Variants in CCDC66 observed in about 807,000 individuals in gnomAD.
The protein encoded by CCDC66 is coiled-coil domain containing 66, also known as coiled-coil domain-containing protein 66.
A neutral mutation model predicts 128.3 loss-of-function variants in CCDC66; 133 were observed. The ratio of observed to expected loss-of-function variants is 1.04; its 90% CI spans 0.90 to 1.20. CCDC66 has a LOEUF of 1.20. CCDC66 is among the 50% of genes most tolerant of loss of function. The pLI, the probability that CCDC66 is intolerant of heterozygous loss-of-function variation, is 0.00. For missense variants in CCDC66, 1,126 were observed against 1,075.5 expected, an observed-to-expected ratio of 1.05 and a Z score of -0.66; for synonymous variants, 387 against 357.0, an observed-to-expected ratio of 1.08 and a Z score of -0.95.
intron 7 of CCDC66, among the ~76,000 whole-genome samples, chr3:56,589,589 A>T (rs73081851): frequency 0.38 from 58,071 of 152,048 alleles, 13,687 homozygotes; most frequent in Non-Finnish European, 0.54. Context: ...TAATAGGTAA[A>T]TTTAATAAAA....
At chr3:56,562,680 C>T (rs908630646) in intron 3 of CCDC66, among the ~76,000 whole-genome samples, 3 of 151,974 alleles carry the variant, frequency 2.0e-5, no homozygotes, top group African/African-American at 7.3e-5. Flanking sequence ...TTGTTGTTGC[C>T]CAGGCTGGAG....
rs1163983438 is a variant in CCDC66 at position 56,620,061 on chromosome 3, C to T, written c.2760+160C>T. 5 of 681,060 alleles carry T rather than the reference C, an allele frequency of 7.3e-6. No individual in the cohort carries two copies. In the African/African-American group the frequency reaches 9.0e-5, roughly 12 times the overall value. The allele number at this position is 681,060 out of a possible 1,614,324, so 42.2% of individuals were successfully genotyped here. A position where few individuals can be genotyped will look rare whatever the true frequency, so the allele number is the denominator to read the frequency against. On this transcript the variant is annotated intron_variant, in intron 17 of 17. Transcript: ENST00000394672. Reference sequence around the variant, plus strand: ...TTTGTTAGACACAAATAAAATGGGACTTTCCTAAGACTTGCTTTTACACTG... The same window carrying T: ...TTTGTTAGACACAAATAAAATGGGATTTTCCTAAGACTTGCTTTTACACTG...
At position 56,571,212 on chromosome 3, in the gene CCDC66, A is replaced by T; in HGVS notation, c.846A>T (p.Lys282Asn). The T allele has an allele frequency of 6.5e-7, 1 of 1,531,296 alleles. No individual in the cohort carries two copies. Among genetic ancestry groups the T allele is most frequent in the African/African-American group, 1.4e-5 (1 of 71,738 alleles). 94.9% of individuals were successfully genotyped at this position (1,531,296 alleles called of 1,614,324 possible). Residue 282 changes from lysine (K) to asparagine (N), a missense_variant, in exon 7 of 18, where the codon AAA (lysine) becomes AAT (asparagine). Lys to Asn is a moderately conservative substitution (Grantham distance 94). Transcript: ENST00000394672. ...DEQVALKKKE[K>N]EVSEKWNDPW... ...AGGTTGCTTTAAAGAAGAAAGAAAA[A>T]GAAGTTTCTGAAAAATGGAATGATC... is the stretch of plus-strand genomic sequence containing the variant.
chr3:56,582,116 G>A (rs896138911), intron 7 of CCDC66, among the ~76,000 whole-genome samples: 1 of 151,888 alleles, frequency 6.6e-6, no homozygotes, highest in Non-Finnish European at 1.5e-5. Context: ...CAGCAATAGG[G>A]GACGCCCCTC....
chr3:56,570,113 G>C (rs1238974684), intron 6 of CCDC66: 1 of 152,208 alleles, frequency 6.6e-6, no homozygotes, highest in Non-Finnish European at 1.5e-5. Flanking sequence ...TGTGATTACA[G>C]TTGTGAGCCA....
chr3:56,581,792 G>C (rs1456237989), intron 7 of CCDC66, among the ~76,000 whole-genome samples: 1 of 151,740 alleles, frequency 6.6e-6, no homozygotes, highest in Non-Finnish European at 1.5e-5. Flanking sequence ...TCTCAGAGGG[G>C]CACCCAGCTT....
At chr3:56,605,589 C>G (rs2073949073) in intron 10 of CCDC66, among the ~76,000 whole-genome samples, 1 of 152,038 alleles carries the variant, frequency 6.6e-6, no homozygotes, top group Admixed American at 6.6e-5. Flanking sequence ...GCCTGGGTAT[C>G]ACCAGCAGAG....
chr3:56,559,315 C>CTTTG (rs1352880376), intron 2 of CCDC66, among the ~76,000 whole-genome samples: 1 of 151,916 alleles, frequency 6.6e-6, no homozygotes, highest in Non-Finnish European at 1.5e-5. Context: ...ACTCAGTGTA[C>CTTTG]TTTGGTACCT....
rs143593148 is a variant in CCDC66, at chr3:56,606,286, G to A, written c.1405-7303G>A. ...CGCCCCCTTTCCAGGAGAGTGAACAGTTCTGTCTCACTGGCATTCCAGGCA... is the reference window on the plus strand; with the variant it reads ...CGCCCCCTTTCCAGGAGAGTGAACAATTCTGTCTCACTGGCATTCCAGGCA... On this transcript the variant is annotated intron_variant, in intron 10 of 17. Transcript: ENST00000394672. Among the ~76,000 whole-genome samples the A allele has an allele frequency of 9.9e-5, 15 of 152,194 alleles. No individual in the cohort carries two copies. The East Asian group carries it at 2.9e-3, about 29-fold the overall frequency.
At chr3:56,618,296 A>T (rs1404414603) in intron 15 of CCDC66, 84 bp downstream of exon 15, 5 of 1,170,526 alleles carry the variant, frequency 4.3e-6, no homozygotes, top group Non-Finnish European at 6.4e-6. Context: ...GGACAGCATC[A>T]TATGGTATAT....
At chr3:56,603,029 G>C (rs1311785055) in intron 10 of CCDC66, among the ~76,000 whole-genome samples, 1 of 151,638 alleles carries the variant, frequency 6.6e-6, no homozygotes, top group African/African-American at 2.4e-5. Context: ...TAGAGACGGG[G>C]TTTCACCGTG....
chr3:56,599,598 T>C (rs1175065461), intron 10 of CCDC66, among the ~76,000 whole-genome samples: 1 of 152,052 alleles, frequency 6.6e-6, no homozygotes, highest in Non-Finnish European at 1.5e-5. Flanking sequence ...GTTTAAATTT[T>C]CATTTTTTTC....
At chr3:56,571,983 G>A (rs1577344466) in intron 7 of CCDC66, among the ~76,000 whole-genome samples, 1 of 152,174 alleles carries the variant, frequency 6.6e-6, no homozygotes, top group Admixed American at 6.5e-5. Context: ...GGCCTCCTGA[G>A]TAGCTGGGAT....
chr3:56,606,035 C>T (rs919296222), intron 10 of CCDC66, among the ~76,000 whole-genome samples: 5 of 152,042 alleles, frequency 3.3e-5, no homozygotes, highest in Admixed American at 3.3e-4. Flanking sequence ...GTGGGCTCTG[C>T]CCAGTTCGAT....
rs1157553560 is a variant in CCDC66, at chr3:56,615,211, A to G, written c.1650A>G (p.Gln550=). ...QELAQRLKQE[Q]RIRELAQKGH... ...TGGCACAGAGACTAAAACAAGAACA[A>G]AGAATCCGAGAATTGGCGCAAAAGG... Residue 550 remains glutamine, a synonymous_variant, in exon 12 of 18, where the codon CAA becomes CAG. Coordinates refer to ENST00000394672, the MANE Select transcript of CCDC66 (RefSeq NM_001141947.3). 5 of 1,614,170 alleles carry G rather than the reference A, an allele frequency of 3.1e-6. No homozygotes were observed. The highest frequency in any genetic ancestry group is 4.2e-6 in the Non-Finnish European group (5 of 1,179,996).
chr3:56,609,065 T>G (rs1389628523), intron 10 of CCDC66, among the ~76,000 whole-genome samples: 1 of 152,226 alleles, frequency 6.6e-6, no homozygotes, highest in African/African-American at 2.4e-5. Context: ...TGCTTTTGAA[T>G]AGAATGTGTA....
intron 10 of CCDC66, among the ~76,000 whole-genome samples, chr3:56,595,287 A>G (rs181597455): frequency 4.5e-4 from 68 of 152,340 alleles, no homozygotes; most frequent in African/African-American, 1.6e-3. Flanking sequence ...TATATAATAC[A>G]TTGTTGCTGA....
chr3:56,598,937 A>G (rs1006663377), intron 10 of CCDC66, among the ~76,000 whole-genome samples: 1 of 152,040 alleles, frequency 6.6e-6, no homozygotes, highest in Non-Finnish European at 1.5e-5. Flanking sequence ...GGCCTCACAG[A>G]ATGAGTTAGG....
chr3:56,591,629 T>C, intron 7 of CCDC66, among the ~76,000 whole-genome samples: 1 of 152,238 alleles, frequency 6.6e-6, no homozygotes, highest in East Asian at 1.9e-4. Flanking sequence ...TCTAAAACAT[T>C]TCTTGAGGTA....
Sources: allele counts gnomAD v4.1 joint callset (sites outside exome capture counted in the v4.1 genomes callset), GRCh38; gene constraint gnomAD v4.1.1; transcripts MANE v1.5; gene names NCBI Gene and HGNC (gene_info 2026-07-23, HGNC 2026-07-21).